Variants in DNAH17 observed in about 807,000 individuals in gnomAD.
DNAH17 encodes axonemal beta dynein heavy chain 17.
In DNAH17, 376 loss-of-function variants were observed where a neutral mutation model predicts 485.6. The ratio of observed to expected loss-of-function variants is 0.77; its 90% CI spans 0.71 to 0.84. DNAH17 has a LOEUF of 0.84. DNAH17 is among the 40% of genes least tolerant of loss of function. DNAH17 has a pLI of 0.00. For missense variants in DNAH17, 6,370 were observed against 5,839.3 expected (o/e 1.09, Z -2.96); for synonymous variants, 3,031 against 2,405.9 (o/e 1.26, Z -7.60).
chr17:78,484,820 T>C (rs1568130649), intron 48 of DNAH17, 48 bp downstream of exon 48: 3 of 1,208,682 alleles, frequency 2.5e-6, no homozygotes, highest in Middle Eastern at 2.6e-4. Flanking sequence ...GGCCCCGCCC[T>C]CACCGCCCCG....
chr17:78,478,722 C>T (rs2089213465), intron 51 of DNAH17, among the ~76,000 whole-genome samples: 1 of 149,072 alleles, frequency 6.7e-6, no homozygotes, highest in Non-Finnish European at 1.5e-5. Flanking sequence ...ACCACTATTG[C>T]CATCATCACC....
rs527531053 is a variant in DNAH17 at position 78,500,171 on chromosome 17, G to C, written c.5640+134C>G. 13 of 1,018,770 alleles carry C rather than the reference G, an allele frequency of 1.3e-5. No homozygotes were observed. The East Asian group carries it at 3.5e-4, about 28-fold the overall frequency. 63.1% of individuals were successfully genotyped at this position (1,018,770 alleles called of 1,614,324 possible). A position where few individuals can be genotyped will look rare whatever the true frequency, so the allele number is the denominator to read the frequency against. On this transcript the variant is annotated intron_variant, in intron 36 of 80. Transcript: ENST00000389840. ...ATGCTACCAGCAAGTGGGGGCCCTGGCACCTCCTCTCCAGTGCCATTCACA... is the reference window on the plus strand; with the variant it reads ...ATGCTACCAGCAAGTGGGGGCCCTGCCACCTCCTCTCCAGTGCCATTCACA...
intron 44 of DNAH17, among the ~76,000 whole-genome samples, chr17:78,488,719 G>T (rs2089720063): frequency 6.6e-6 from 1 of 152,174 alleles, no homozygotes; most frequent in South Asian, 2.1e-4. Context: ...TGTCATCAAG[G>T]ATCTTGAGAC....
chr17:78,531,272 G>A (rs916967471), intron 20 of DNAH17, among the ~76,000 whole-genome samples: 3 of 151,030 alleles, frequency 2.0e-5, no homozygotes, highest in Non-Finnish European at 2.9e-5. Context: ...TCGCTGAGTT[G>A]ATCCTTTTGT....
At chr17:78,561,379 C>T (rs535350642) in intron 12 of DNAH17, among the ~76,000 whole-genome samples, 34 of 152,216 alleles carry the variant, frequency 2.2e-4, no homozygotes, top group Middle Eastern at 6.8e-3. Context: ...GAAGCCTCCC[C>T]GGCCCCTGGC....
chr17:78,528,546 G>T (rs1474485293), intron 22 of DNAH17, among the ~76,000 whole-genome samples: 1 of 152,166 alleles, frequency 6.6e-6, no homozygotes, highest in Non-Finnish European at 1.5e-5. Context: ...AGACAGGAGG[G>T]TGGGCCCTGT....
At chr17:78,533,571 C>G in intron 19 of DNAH17, among the ~76,000 whole-genome samples, 1 of 152,178 alleles carries the variant, frequency 6.6e-6, no homozygotes, top group East Asian at 1.9e-4. Flanking sequence ...AAACCCAACC[C>G]AAACTGGTTA....
chr17:78,563,281 A>C (rs567769166), intron 11 of DNAH17, among the ~76,000 whole-genome samples: 72 of 152,104 alleles, frequency 4.7e-4, no homozygotes, highest in African/African-American at 1.7e-3. Context: ...GCAGCCGTGG[A>C]CTCTCAGGCA....
chr17:78,487,725 AC>A, intron 44 of DNAH17, among the ~76,000 whole-genome samples: 1 of 152,198 alleles, frequency 6.6e-6, no homozygotes, highest in East Asian at 1.9e-4. Flanking sequence ...GGGTTTCGCC[AC>A]GTTGGCCAGG....
intron 69 of DNAH17, among the ~76,000 whole-genome samples, chr17:78,447,448 C>A (rs2087356936): frequency 6.6e-6 from 1 of 152,172 alleles, no homozygotes; most frequent in South Asian, 2.1e-4. Flanking sequence ...GGCAGCTAAC[C>A]TGGCACCCTC....
At chr17:78,560,636 T>C in intron 13 of DNAH17, 104 bp downstream of exon 13, 1 of 1,242,472 alleles carries the variant, frequency 8.0e-7, no homozygotes, top group East Asian at 2.6e-5. Flanking sequence ...AGGCGAACTG[T>C]GATATAAACA....
At chr17:78,520,678 G>A (rs1275054125) in intron 25 of DNAH17, among the ~76,000 whole-genome samples, 2 of 152,066 alleles carry the variant, frequency 1.3e-5, no homozygotes, top group Admixed American at 6.6e-5. Context: ...AACAAAACAT[G>A]TATAGGATCT....
rs1236543165 is a variant in DNAH17 at position 78,551,735 on chromosome 17, A to T, written c.2288-97T>A. 4 of 1,174,464 alleles carry T rather than the reference A, an allele frequency of 3.4e-6. No individual in the cohort carries two copies. The African/African-American group carries it at 4.5e-5, about 13-fold the overall frequency. The allele number at this position is 1,174,464 out of a possible 1,614,324, so 72.8% of individuals were successfully genotyped here. On this transcript the variant is annotated intron_variant, in intron 15 of 80. Coordinates refer to ENST00000389840, the MANE Select transcript of DNAH17 (RefSeq NM_173628.4). ...TCTCAGCCCTTTGGGAGGTCAGGGC[A>T]GGCGAATCACGAGGTCGGGAGTTCG... is the stretch of plus-strand genomic sequence containing the variant.
chr17:78,438,452 G>GGGAGGA (rs1228730320), intron 73 of DNAH17, among the ~76,000 whole-genome samples: 25 of 68,230 alleles, frequency 3.7e-4, no homozygotes, highest in African/African-American at 4.9e-4. Context: ...GGAGGGAGGA[G>GGGAGGA]GGAGGAGGAG....
At chr17:78,437,124 C>T (rs954821188) in intron 74 of DNAH17, among the ~76,000 whole-genome samples, 8 of 152,198 alleles carry the variant, frequency 5.3e-5, no homozygotes, top group Non-Finnish European at 1.2e-4. Context: ...CCAGCTGTTC[C>T]TGCTGATGGT....
At chr17:78,497,495 A>G (rs749666147) in intron 37 of DNAH17, among the ~76,000 whole-genome samples, 3 of 152,136 alleles carry the variant, frequency 2.0e-5, no homozygotes, top group Non-Finnish European at 4.4e-5. Flanking sequence ...GCCCGTGAAC[A>G]TTCAGTGCCC....
Position 78,501,217 on chromosome 17 carries a change from G to A in DNAH17, c.5450C>T (p.Thr1817Met), listed in dbSNP as rs200399326. 1.3e-4 allele frequency: 211 copies of A among 1,597,922 alleles called. No individual in the cohort carries two copies. The highest frequency in any genetic ancestry group is 1.7e-4 in the Non-Finnish European group (193 of 1,167,550). ...GAGTGGGGTGATGACCAGCCGCGGC[G>A]TGTTGCCCAGATACTCATAGGAATA... ...IQYSYEYLGNTPRLVITPLTD... is the reference protein window; with the variant it reads ...IQYSYEYLGNMPRLVITPLTD... Residue 1817 changes from threonine to methionine, a missense_variant, in exon 35 of 81, where the codon ACG becomes ATG. Physicochemically the swap from Thr to Met is moderately conservative, Grantham distance 81 (BLOSUM62 -1). Coordinates refer to ENST00000389840, the MANE Select transcript of DNAH17 (RefSeq NM_173628.4).
intron 20 of DNAH17, among the ~76,000 whole-genome samples, chr17:78,531,913 A>G (rs1277310755): frequency 6.6e-6 from 1 of 152,240 alleles, no homozygotes; most frequent in Non-Finnish European, 1.5e-5. Context: ...GGCCTTGCCC[A>G]TGGACGACCC....
intron 72 of DNAH17, among the ~76,000 whole-genome samples, chr17:78,439,665 CTTTTTT>C (rs11399691): frequency 4.0e-4 from 37 of 92,216 alleles, no homozygotes; most frequent in East Asian, 9.9e-4. Flanking sequence ...CAGTACTTCA[CTTTTTT>C]TTTTTTTTTT....
Sources: gnomAD v4.1 joint callset for allele counts (sites outside exome capture counted in the v4.1 genomes callset) on GRCh38, gnomAD v4.1.1 for gene constraint, MANE v1.5 for transcripts, NCBI Gene and HGNC (gene_info 2026-07-23, HGNC 2026-07-21) for gene names.